Variants in ACOXL observed in about 807,000 individuals in gnomAD.
ACOXL encodes acyl-CoA oxidase like, also known as acyl-coenzyme A oxidase-like protein.
A neutral mutation model predicts 71.9 loss-of-function variants in ACOXL; 70 were observed. That is an observed-to-expected ratio of 0.97 (90% confidence interval 0.80 to 1.19). ACOXL has a LOEUF of 1.19. Among genes scored for constraint, ACOXL ranks in the 50% most tolerant of loss-of-function variants. ACOXL has a pLI of 0.00. For missense variants in ACOXL, 703 were observed against 736.3 expected, an observed-to-expected ratio of 0.95 and a Z score of 0.52; for synonymous variants, 253 against 281.6, an observed-to-expected ratio of 0.90 and a Z score of 1.02.
chr2:111,055,974 A>G (rs1263645864), intron 16 of ACOXL, among the ~76,000 whole-genome samples: 1 of 152,176 alleles, frequency 6.6e-6, no homozygotes, highest in African/African-American at 2.4e-5. Flanking sequence ...TGTTCCTAAA[A>G]TAAGTTGTTC....
Position 110,794,109 on chromosome 2 carries a change from G to T in ACOXL, c.280G>T (p.Glu94Ter), listed in dbSNP as rs369304472. 1 of 1,614,158 alleles carries T rather than the reference G, an allele frequency of 6.2e-7. No individual in the cohort carries two copies. The highest frequency in any genetic ancestry group is 8.5e-7 in the Non-Finnish European group (1 of 1,180,028). Reference sequence around the variant, plus strand: ...ATACACTGGGATGTTTGCAATGACCGAGAGGGGCCATGGGAGCAACGCGAG... The same window carrying T: ...ATACACTGGGATGTTTGCAATGACCTAGAGGGGCCATGGGAGCAACGCGAG... ...QKYTGMFAMT[E>*]RGHGSNARGI... Residue 94 changes from glutamate to a stop codon, truncating the protein, a stop_gained, in exon 5 of 18, where the codon GAG (glutamate) becomes TAG (stop). Transcript: ENST00000439055. LOFTEE classifies it high-confidence loss of function.
chr2:111,065,198 C>T (rs983475197), intron 16 of ACOXL, among the ~76,000 whole-genome samples: 1 of 152,134 alleles, frequency 6.6e-6, no homozygotes, highest in Non-Finnish European at 1.5e-5. Context: ...TAGACCCATA[C>T]CAACATGCCC....
chr2:110,888,212 G>A (rs150352223), intron 10 of ACOXL, among the ~76,000 whole-genome samples: 11 of 152,144 alleles, frequency 7.2e-5, no homozygotes, highest in South Asian at 2.1e-4. Flanking sequence ...ATACCATCAC[G>A]AAATTACCCC....
At chr2:111,101,278 G>C (rs1424534687) in intron 17 of ACOXL, 1 of 152,248 alleles carries the variant, frequency 6.6e-6, no homozygotes, top group Non-Finnish European at 1.5e-5. Context: ...AGAGTTCTAA[G>C]CTGGAAAGAT....
chr2:111,074,188 C>T (rs1252998909), intron 16 of ACOXL, among the ~76,000 whole-genome samples: 2 of 150,768 alleles, frequency 1.3e-5, no homozygotes, highest in East Asian at 3.9e-4. Flanking sequence ...TCTATGTAAG[C>T]AAGCATGTTG....
intron 9 of ACOXL, among the ~76,000 whole-genome samples, chr2:110,813,999 C>T (rs1169059375): frequency 6.6e-6 from 1 of 152,206 alleles, no homozygotes; most frequent in Non-Finnish European, 1.5e-5. Flanking sequence ...TTACCCAATG[C>T]TGGAGTGGCT....
rs1010650731 is a variant in ACOXL, at chr2:111,096,370, G to A, written c.1542+3404G>A. ...CCATTCTCCTGCCTCAGCCTCCCAA[G>A]TACCTGGGATTATAGGCACGTGCCA... On this transcript the variant is annotated intron_variant, in intron 17 of 17. Transcript: ENST00000439055. Among the ~76,000 whole-genome samples, 9 of 152,006 alleles carry A rather than the reference G, an allele frequency of 5.9e-5. No homozygotes were observed. In the South Asian group the frequency reaches 1.9e-3, roughly 32 times the overall value.
In ACOXL at chr2:111,052,651, G is replaced by A. The variant is rs1040268426; in HGVS notation, c.1440+3363G>A. ...AAATTACTCATTTGACCCTGTTCGC[G>A]TTTGATCTCCATACCTACCTGTTTC... On this transcript the variant is annotated intron_variant, in intron 16 of 17. Coordinates refer to ENST00000439055, the MANE Select transcript of ACOXL (RefSeq NM_001142807.4). Among the ~76,000 whole-genome samples, 8 of 152,124 alleles carry A rather than the reference G, an allele frequency of 5.3e-5. No homozygotes were observed. The South Asian group carries it at 6.2e-4, about 12-fold the overall frequency.
chr2:110,984,301 A>G (rs1396405345), intron 12 of ACOXL, among the ~76,000 whole-genome samples: 3 of 152,262 alleles, frequency 2.0e-5, no homozygotes, highest in Middle Eastern at 6.8e-3. Context: ...GTATATTATA[A>G]TATATTCAGG....
intron 15 of ACOXL, among the ~76,000 whole-genome samples, chr2:111,043,632 G>C (rs999089341): frequency 6.6e-6 from 1 of 152,186 alleles, no homozygotes; most frequent in African/African-American, 2.4e-5. Context: ...TGGGGAGCTT[G>C]ACCCTCAAGG....
intron 9 of ACOXL, among the ~76,000 whole-genome samples, chr2:110,816,432 A>G (rs949812260): frequency 6.6e-5 from 10 of 152,214 alleles, no homozygotes; most frequent in African/African-American, 2.2e-4. Context: ...AAATCTTTAG[A>G]AAAAGAAAAA....
intron 17 of ACOXL, chr2:111,093,716 T>G: frequency 3.8e-6 from 2 of 530,134 alleles, no homozygotes; most frequent in East Asian, 3.4e-5. Context: ...ACAAAAAAAT[T>G]AGCTGGGCGT....
intron 15 of ACOXL, among the ~76,000 whole-genome samples, chr2:111,033,045 A>T (rs1194576196): frequency 1.3e-5 from 2 of 152,174 alleles, no homozygotes; most frequent in East Asian, 3.9e-4. Flanking sequence ...CAGGTTTCTC[A>T]TGGGACGGGA....
intron 13 of ACOXL, among the ~76,000 whole-genome samples, chr2:110,988,078 A>G (rs893228166): frequency 6.6e-6 from 1 of 152,162 alleles, no homozygotes; most frequent in Non-Finnish European, 1.5e-5. Context: ...CTACCTTCCT[A>G]TTTATTACTA....
Position 111,068,897 on chromosome 2 carries a change from A to AATAC in ACOXL, c.1440+19622_1440+19625dup, listed in dbSNP as rs554949545. 2.2e-3 allele frequency among the ~76,000 whole-genome samples: 342 copies of AATAC among 152,294 alleles called. 2 individuals are homozygous for AATAC. The highest frequency in any genetic ancestry group is 8.0e-3 in the African/African-American group (331 of 41,568). Reference sequence around the variant, plus strand: ...GCAAGGAAGGATAGAATGGTGGATGAATACATACATACATACGTGTATAAA... The same window carrying AATAC: ...GCAAGGAAGGATAGAATGGTGGATGAATACATACATACATACATACGTGTATAAA... On this transcript the variant is annotated intron_variant, in intron 16 of 17. Coordinates refer to ENST00000439055, the MANE Select transcript of ACOXL (RefSeq NM_001142807.4).
At chr2:110,759,307 G>A (rs946739731) in intron 1 of ACOXL, among the ~76,000 whole-genome samples, 2 of 152,166 alleles carry the variant, frequency 1.3e-5, no homozygotes, top group African/African-American at 2.4e-5. Flanking sequence ...TTGTGTGAGA[G>A]TCTACGTCTC....
At chr2:110,865,153 AG>A (rs1694404034) in intron 10 of ACOXL, among the ~76,000 whole-genome samples, 1 of 152,260 alleles carries the variant, frequency 6.6e-6, no homozygotes, top group Non-Finnish European at 1.5e-5. Context: ...CTGGAAATGT[AG>A]GTATCAATAT....
At chr2:111,052,086 C>G (rs1338923150) in intron 16 of ACOXL, among the ~76,000 whole-genome samples, 1 of 152,146 alleles carries the variant, frequency 6.6e-6, no homozygotes, top group African/African-American at 2.4e-5. Flanking sequence ...GATTCCCCTG[C>G]AAAGACAAAA....
chr2:111,044,877 A>G (rs990888213), intron 15 of ACOXL, among the ~76,000 whole-genome samples: 50 of 152,198 alleles, frequency 3.3e-4, no homozygotes, highest in African/African-American at 1.2e-3. Context: ...TTTCTCCCAA[A>G]TGACCATTGT....
Sources: gnomAD v4.1 joint callset for allele counts (sites outside exome capture counted in the v4.1 genomes callset) on GRCh38, gnomAD v4.1.1 for gene constraint, MANE v1.5 for transcripts, NCBI Gene and HGNC (gene_info 2026-07-23, HGNC 2026-07-21) for gene names.